Variants in MATN2 observed in about 807,000 individuals in gnomAD.
MATN2 encodes matrilin-2.
Under a neutral mutation model 103.2 loss-of-function variants are expected in MATN2, and 69 were observed. The ratio of observed to expected loss-of-function variants is 0.67; its 90% CI spans 0.55 to 0.82. The LOEUF (loss-of-function observed/expected upper bound fraction) is 0.82, where lower values mean the gene tolerates loss of function less well. Ranked by LOEUF, MATN2 falls within the 40% of genes least tolerant of loss-of-function variation. The probability of loss-of-function intolerance (pLI) is 0.00; values close to 1 mark genes in which losing one functional copy is unlikely to be tolerated. For missense variants in MATN2, 1,023 were observed against 1,211.5 expected (o/e 0.84, Z 2.31); for synonymous variants, 429 against 450.2 (o/e 0.95, Z 0.60).
At chr8:97,997,598 AC>A (rs1812627077) in intron 7 of MATN2, among the ~76,000 whole-genome samples, 1 of 152,170 alleles carries the variant, frequency 6.6e-6, no homozygotes, top group Admixed American at 6.5e-5. Context: ...TCTGGGCCTT[AC>A]CAGATTAAGT....
intron 7 of MATN2, among the ~76,000 whole-genome samples, chr8:97,998,519 CAAAA>C (rs58751449): frequency 0.49 from 54,001 of 110,982 alleles, 11,237 homozygotes; most frequent in Middle Eastern, 0.56. Flanking sequence ...GACTCTGTCT[CAAAA>C]AAAAAAAAAA....
intron 2 of MATN2, among the ~76,000 whole-genome samples, chr8:97,917,945 G>T (rs913196568): frequency 1.3e-5 from 2 of 151,996 alleles, no homozygotes; most frequent in South Asian, 4.2e-4. Context: ...AATTAGTCGG[G>T]TGTGGTGGGT....
chr8:97,870,231 T>C (rs1817846117), intron 1 of MATN2, among the ~76,000 whole-genome samples: 1 of 152,034 alleles, frequency 6.6e-6, no homozygotes, highest in African/African-American at 2.4e-5. Flanking sequence ...TTAAATGAGA[T>C]ATGGCGGCCG....
At chr8:98,027,321 G>T in intron 13 of MATN2, 95 bp from the exon 14 acceptor site, 1 of 1,114,678 alleles carries the variant, frequency 9.0e-7, no homozygotes, top group Non-Finnish European at 1.3e-6. Context: ...GTTCCCCAAA[G>T]TGGTTATGCC....
chr8:98,006,804 G>C (rs1416010214), intron 8 of MATN2, among the ~76,000 whole-genome samples: 1 of 152,188 alleles, frequency 6.6e-6, no homozygotes, highest in Non-Finnish European at 1.5e-5. Flanking sequence ...AAGAAGGCTG[G>C]GCATGGTGTC....
intron 2 of MATN2, among the ~76,000 whole-genome samples, chr8:97,889,893 T>G (rs1161053885): frequency 1.3e-5 from 2 of 152,036 alleles, no homozygotes; most frequent in Non-Finnish European, 2.9e-5. Flanking sequence ...CTCCCTCTGA[T>G]ACACACACAC....
chr8:97,954,485 A>G (rs568102434), intron 4 of MATN2, among the ~76,000 whole-genome samples: 14 of 152,316 alleles, frequency 9.2e-5, no homozygotes, highest in South Asian at 4.1e-4. Context: ...AGATTTGCCA[A>G]TTTCCATGGT....
At chr8:97,908,181 C>T (rs958845724) in intron 2 of MATN2, among the ~76,000 whole-genome samples, 6 of 151,920 alleles carry the variant, frequency 3.9e-5, no homozygotes, top group African/African-American at 1.2e-4. Flanking sequence ...CGCTTGAACC[C>T]GGGAGGTGGA....
At chr8:98,032,157 T>C in intron 15 of MATN2, 89 bp from the exon 16 acceptor site, 1 of 996,964 alleles carries the variant, frequency 1.0e-6, no homozygotes, top group Non-Finnish European at 1.5e-6. Context: ...GGCAGGTAGG[T>C]AAGGAGGTGG....
chr8:97,886,573 T>C (rs891301665), intron 1 of MATN2, among the ~76,000 whole-genome samples: 46 of 152,342 alleles, frequency 3.0e-4, no homozygotes, highest in African/African-American at 1.0e-3. Flanking sequence ...TTTAATATAA[T>C]CTTAATGCAT....
intron 10 of MATN2, among the ~76,000 whole-genome samples, chr8:98,009,904 C>G (rs2513807): frequency 0.69 from 105,182 of 152,076 alleles, 37,039 homozygotes; most frequent in Middle Eastern, 0.87. Flanking sequence ...CCTGCAAGCT[C>G]CTGGAGGTTG....
chr8:97,954,322 G>A (rs928735247), intron 4 of MATN2, among the ~76,000 whole-genome samples: 8 of 152,130 alleles, frequency 5.3e-5, no homozygotes, highest in Non-Finnish European at 1.2e-4. Context: ...AAAAATGGAA[G>A]CCTGCTCTCT....
chr8:97,925,813 A>G (rs1240665410), intron 2 of MATN2, among the ~76,000 whole-genome samples: 1 of 152,184 alleles, frequency 6.6e-6, no homozygotes, highest in Non-Finnish European at 1.5e-5. Context: ...TTTGGTCTCC[A>G]GATGAAATGA....
At chr8:97,898,711 G>C (rs1012696470) in intron 2 of MATN2, among the ~76,000 whole-genome samples, 1 of 152,050 alleles carries the variant, frequency 6.6e-6, no homozygotes, top group Non-Finnish European at 1.5e-5. Flanking sequence ...TCTCATACAA[G>C]GTCATTCAAC....
chr8:97,911,213 G>A lies in MATN2; in HGVS notation c.143-19740G>A, dbSNP rs187105107. On this transcript the variant is annotated intron_variant, in intron 2 of 18. Coordinates refer to ENST00000254898, the MANE Select transcript of MATN2 (RefSeq NM_002380.5). ...TCACCATATTGGCCAGGCTGCTCTC[G>A]AACTCCTGACCTCCAGTGATCCGCC... Among the ~76,000 whole-genome samples, 1,139 of 151,538 alleles carry A rather than the reference G, an allele frequency of 7.5e-3. 10 individuals carry two copies. Among genetic ancestry groups the A allele is most frequent in the African/African-American group, 0.025 (1,019 of 41,302 alleles).
rs549027442 is a variant in MATN2, at chr8:97,991,823, C to T, written c.1082-2657C>T. On this transcript the variant is annotated intron_variant, in intron 6 of 18. Coordinates refer to ENST00000254898, the MANE Select transcript of MATN2 (RefSeq NM_002380.5). ...AAGCAATCCTCCAGCCTCAGCTTCA[C>T]AAAGCATTGGGATTACAAGCATGAG... 1.3e-4 allele frequency among the ~76,000 whole-genome samples: 20 copies of T among 152,206 alleles called. No homozygotes were observed. In the South Asian group the frequency reaches 4.1e-3, roughly 32 times the overall value.
chr8:97,915,539 T>G (rs1260590354), intron 2 of MATN2, among the ~76,000 whole-genome samples: 2 of 152,202 alleles, frequency 1.3e-5, no homozygotes. Context: ...TTCCTCCTTG[T>G]GTACCTACAC....
chr8:97,974,029 A>G (rs188396635), intron 5 of MATN2, among the ~76,000 whole-genome samples: 6 of 152,350 alleles, frequency 3.9e-5, no homozygotes, highest in Non-Finnish European at 5.9e-5. Context: ...GCCTGGTTCT[A>G]TAGCAATTTT....
intron 10 of MATN2, among the ~76,000 whole-genome samples, chr8:98,013,906 T>TA (rs1271982624): frequency 1.3e-5 from 2 of 152,046 alleles, no homozygotes; most frequent in Admixed American, 1.3e-4. Flanking sequence ...GCCAGAAATT[T>TA]AAGACCAGCC....
Sources: allele counts gnomAD v4.1 joint callset (sites outside exome capture counted in the v4.1 genomes callset), GRCh38; gene constraint gnomAD v4.1.1; transcripts MANE v1.5; gene names NCBI Gene and HGNC (gene_info 2026-07-23, HGNC 2026-07-21).